Variants in PAX5 observed in about 807,000 individuals in gnomAD.
PAX5 encodes the protein paired box protein Pax-5.
PAX5 carries 9 observed loss-of-function variants against 43.7 expected under a neutral mutation model. The ratio of observed to expected loss-of-function variants is 0.21; its 90% CI spans 0.12 to 0.36. The LOEUF (loss-of-function observed/expected upper bound fraction) is 0.36, where lower values mean the gene tolerates loss of function less well. PAX5 is among the 10% of genes least tolerant of loss of function. The pLI, the probability that PAX5 is intolerant of heterozygous loss-of-function variation, is 1.00. For missense variants in PAX5, 383 were observed against 532.7 expected (o/e 0.72, Z 2.77); for synonymous variants, 228 against 214.3 (o/e 1.06, Z -0.56).
At chr9:36,855,652 C>T (rs769938241) in intron 8 of PAX5, among the ~76,000 whole-genome samples, 1 of 152,108 alleles carries the variant, frequency 6.6e-6, no homozygotes, top group Non-Finnish European at 1.5e-5. Flanking sequence ...CGCCTGGTGG[C>T]GGTCAAGGCC....
chr9:36,920,424 T>A (rs1228682582), intron 7 of PAX5, among the ~76,000 whole-genome samples: 1 of 152,204 alleles, frequency 6.6e-6, no homozygotes, highest in African/African-American at 2.4e-5. Flanking sequence ...TGATCAGTCA[T>A]CAGCCATCAA....
At chr9:36,871,497 C>A (rs1825492301) in intron 8 of PAX5, among the ~76,000 whole-genome samples, 1 of 152,224 alleles carries the variant, frequency 6.6e-6, no homozygotes. Context: ...ATCAGCCACC[C>A]AACGCTTAGC....
intron 1 of PAX5, chr9:37,026,585 C>T (rs999226357): frequency 7.4e-7 from 1 of 1,346,816 alleles, no homozygotes; most frequent in Non-Finnish European, 9.8e-7. Flanking sequence ...TCGGGGCGCT[C>T]CAGACTGCAG....
chr9:37,028,851 T>C (rs1840686464), intron 1 of PAX5, among the ~76,000 whole-genome samples: 1 of 152,230 alleles, frequency 6.6e-6, no homozygotes, highest in African/African-American at 2.4e-5. Flanking sequence ...ATGGATGGAT[T>C]TGTAGCAGAA....
At chr9:36,902,493 C>T (rs540165822) in intron 7 of PAX5, among the ~76,000 whole-genome samples, 5 of 152,208 alleles carry the variant, frequency 3.3e-5, no homozygotes, top group South Asian at 4.1e-4. Context: ...GGGAGGGTGC[C>T]GTGGGCAGAG....
chr9:36,966,690 C>G lies in PAX5; in HGVS notation c.639G>C (p.Ser213=). 6.2e-7 allele frequency: 1 copy of G among 1,614,160 alleles called. No individual in the cohort carries two copies. Among genetic ancestry groups the G allele is most frequent in the Non-Finnish European group, 8.5e-7 (1 of 1,180,002 alleles). The stretch of plus-strand genomic sequence containing the variant: ...TCCGGAGGAAGTCTCTGCCCGGAAG[C>G]GAGTGGCCGTTCGGCACCGGAGACT... The part of the protein sequence containing the change: ...IQESPVPNGH[S]LPGRDFLRKQ... Residue 213 remains serine, a synonymous_variant, in exon 6 of 10, where the codon TCG becomes TCC. Coordinates refer to ENST00000358127, the MANE Select transcript of PAX5 (RefSeq NM_016734.3).
At chr9:36,892,316 C>T (rs1827469645) in intron 7 of PAX5, among the ~76,000 whole-genome samples, 1 of 152,230 alleles carries the variant, frequency 6.6e-6, no homozygotes, top group African/African-American at 2.4e-5. Context: ...AAGTTCTAAA[C>T]ACTGTCCTGA....
intron 8 of PAX5, among the ~76,000 whole-genome samples, chr9:36,858,525 T>C (rs1002463446): frequency 4.6e-5 from 7 of 152,164 alleles, no homozygotes; most frequent in Admixed American, 2.0e-4. Flanking sequence ...CAAATGACTC[T>C]TTGCTTGTTA....
intron 8 of PAX5, among the ~76,000 whole-genome samples, chr9:36,853,591 A>T (rs1823367140): frequency 6.6e-6 from 1 of 152,280 alleles, no homozygotes; most frequent in Non-Finnish European, 1.5e-5. Context: ...GTTTCCTCAA[A>T]GACACAGAGA....
intron 7 of PAX5, among the ~76,000 whole-genome samples, chr9:36,887,271 TG>T (rs1209594690): frequency 6.6e-6 from 1 of 152,086 alleles, no homozygotes; most frequent in Non-Finnish European, 1.5e-5. Context: ...TGGAATAGAA[TG>T]AAAAATTTAA....
chr9:36,917,810 C>G (rs1829837962), intron 7 of PAX5, among the ~76,000 whole-genome samples: 1 of 152,266 alleles, frequency 6.6e-6, no homozygotes, highest in Non-Finnish European at 1.5e-5. Flanking sequence ...ATTTGTCCAA[C>G]AGCATGCGCT....
chr9:36,857,263 G>T (rs1823770785), intron 8 of PAX5, among the ~76,000 whole-genome samples: 1 of 152,114 alleles, frequency 6.6e-6, no homozygotes, highest in Non-Finnish European at 1.5e-5. Context: ...ACTAAATTTG[G>T]GGAAAACTTA....
At chr9:36,854,823 A>G (rs1823503944) in intron 8 of PAX5, among the ~76,000 whole-genome samples, 1 of 152,214 alleles carries the variant, frequency 6.6e-6, no homozygotes, top group Admixed American at 6.5e-5. Context: ...AAACAGAGGG[A>G]AGAGAAAAAC....
chr9:36,957,161 T>A (rs2039220), intron 6 of PAX5, among the ~76,000 whole-genome samples: 124,256 of 152,172 alleles, frequency 0.82, 51,169 homozygotes, highest in East Asian at 0.9. Context: ...CTTCTCTGGA[T>A]CTTCAAGCTT....
At chr9:37,006,342 C>A in intron 4 of PAX5, 131 bp downstream of exon 4, 5 of 595,250 alleles carry the variant, frequency 8.4e-6, no homozygotes, top group Non-Finnish European at 1.5e-5. Flanking sequence ...TGGAGAATGA[C>A]AAAGAAGGCG....
At chr9:36,902,083 TC>T (rs1212074368) in intron 7 of PAX5, among the ~76,000 whole-genome samples, 1 of 151,980 alleles carries the variant, frequency 6.6e-6, no homozygotes, top group Non-Finnish European at 1.5e-5. Context: ...TATCTAGCTG[TC>T]CCTATCCCCC....
At chr9:36,978,778 C>T (rs763797078) in intron 5 of PAX5, among the ~76,000 whole-genome samples, 18 of 152,150 alleles carry the variant, frequency 1.2e-4, no homozygotes, top group African/African-American at 1.7e-4. Context: ...TCCAAAAATA[C>T]TTTTCATTTG....
At chr9:36,926,293 A>G (rs1382916754) in intron 6 of PAX5, among the ~76,000 whole-genome samples, 18 of 152,182 alleles carry the variant, frequency 1.2e-4, no homozygotes, top group Admixed American at 1.2e-3. Context: ...CATTTTTATA[A>G]ATGAAACTGA....
chr9:36,895,546 G>C (rs989115385), intron 7 of PAX5, among the ~76,000 whole-genome samples: 19 of 152,166 alleles, frequency 1.2e-4, no homozygotes, highest in African/African-American at 4.6e-4. Flanking sequence ...TGGGGATAAT[G>C]ATACCTCCTT....
Sources: gnomAD v4.1 joint callset for allele counts (sites outside exome capture counted in the v4.1 genomes callset) on GRCh38, gnomAD v4.1.1 for gene constraint, MANE v1.5 for transcripts, NCBI Gene and HGNC (gene_info 2026-07-23, HGNC 2026-07-21) for gene names.